USH2A: variants seen among roughly 807,000 people sequenced by gnomAD.
USH2A encodes the protein usherin.
Under a neutral mutation model 538.9 loss-of-function variants are expected in USH2A, and 443 were observed. That is an observed-to-expected ratio of 0.82 (90% CI 0.76 to 0.89). The LOEUF (loss-of-function observed/expected upper bound fraction) is 0.89, where lower values mean the gene tolerates loss of function less well. USH2A is among the 40% of genes least tolerant of loss of function. The pLI, the probability that USH2A is intolerant of heterozygous loss-of-function variation, is 0.00. For missense variants in USH2A, 6,633 were observed against 6,324.8 expected, an observed-to-expected ratio of 1.05 and a Z score of -1.65; for synonymous variants, 2,413 against 2,273.5, an observed-to-expected ratio of 1.06 and a Z score of -1.75.
Position 215,837,988 on chromosome 1 carries a change from T to C in USH2A, c.9371+3A>G. Reference sequence around the variant, plus strand: ...TAGATTTAACTGACACAAAATTTTGTACCTTGAAGTGATGCCACGAATTGT... The same window carrying C: ...TAGATTTAACTGACACAAAATTTTGCACCTTGAAGTGATGCCACGAATTGT... On this transcript the variant is annotated splice_donor_region_variant and intron_variant, in intron 47 of 71. Transcript: ENST00000307340. The C allele has an allele frequency of 6.2e-7, 1 of 1,608,786 alleles. No individual in the cohort carries two copies. The highest frequency in any genetic ancestry group is 8.5e-7 in the Non-Finnish European group (1 of 1,175,464).
At chr1:216,069,748 C>A (rs1428301023) in intron 30 of USH2A, among the ~76,000 whole-genome samples, 2 of 152,062 alleles carry the variant, frequency 1.3e-5, no homozygotes, top group East Asian at 3.9e-4. Flanking sequence ...TGGGGCTAGT[C>A]CCAAAGAGTA....
intron 21 of USH2A, among the ~76,000 whole-genome samples, chr1:216,146,012 C>A (rs1160246327): frequency 6.6e-6 from 1 of 152,218 alleles, no homozygotes; most frequent in Non-Finnish European, 1.5e-5. Context: ...ATTGCTCACA[C>A]AAAGCCTGTT....
chr1:216,367,468 T>C (rs1474054702), intron 3 of USH2A, among the ~76,000 whole-genome samples: 4 of 152,212 alleles, frequency 2.6e-5, no homozygotes, highest in Non-Finnish European at 5.9e-5. Context: ...TTGAGTCAGA[T>C]AGAAAGCATG....
At chr1:216,134,114 C>A (rs1434782525) in intron 21 of USH2A, among the ~76,000 whole-genome samples, 1 of 152,054 alleles carries the variant, frequency 6.6e-6, no homozygotes, top group African/African-American at 2.4e-5. Flanking sequence ...AAGCTGTTTT[C>A]TGTGTTTTGT....
At chr1:215,954,139 T>G (rs1332294840) in intron 37 of USH2A, among the ~76,000 whole-genome samples, 7 of 152,244 alleles carry the variant, frequency 4.6e-5, no homozygotes, top group African/African-American at 1.4e-4. Context: ...GTTCAACCAT[T>G]GTGGAAATCA....
chr1:216,022,560 T>C (rs1668866895), intron 32 of USH2A, among the ~76,000 whole-genome samples: 1 of 152,198 alleles, frequency 6.6e-6, no homozygotes, highest in Non-Finnish European at 1.5e-5. Context: ...AGATCTGTTT[T>C]GTTAAACCTT....
At chr1:215,729,967 T>C (rs144927050) in intron 60 of USH2A, among the ~76,000 whole-genome samples, 1 of 152,352 alleles carries the variant, frequency 6.6e-6, no homozygotes, top group African/African-American at 2.4e-5. Flanking sequence ...TCCTTTTAGA[T>C]GTCTTCCCCA....
chr1:215,982,021 A>G (rs886338310), intron 35 of USH2A, among the ~76,000 whole-genome samples: 1 of 152,214 alleles, frequency 6.6e-6, no homozygotes, highest in African/African-American at 2.4e-5. Flanking sequence ...TTCAATCAAC[A>G]AATTAGTTCT....
rs1475481666 is a variant in USH2A at position 216,078,462 on chromosome 1, A to T, written c.5299-100T>A. On this transcript the variant is annotated intron_variant, in intron 26 of 71. Coordinates refer to ENST00000307340, the MANE Select transcript of USH2A (RefSeq NM_206933.4). ...TCAATTTCTTGAAGAAAAGCAAAAC[A>T]GTTCCCTGAAAGCACTCTATAGAAA... 2.6e-6 allele frequency: 3 copies of T among 1,137,262 alleles called. No individual in the cohort carries two copies. The African/African-American group carries it at 4.6e-5, about 18-fold the overall frequency. 70.4% of individuals were successfully genotyped at this position (1,137,262 alleles called of 1,614,324 possible). A position where few individuals can be genotyped will look rare whatever the true frequency, so the allele number is the denominator to read the frequency against.
At chr1:216,257,309 T>G (rs927653153) in intron 11 of USH2A, among the ~76,000 whole-genome samples, 9 of 152,122 alleles carry the variant, frequency 5.9e-5, no homozygotes, top group African/African-American at 2.2e-4. Flanking sequence ...GAATCATAAG[T>G]GCACTATTTA....
intron 61 of USH2A, among the ~76,000 whole-genome samples, chr1:215,698,165 T>C (rs1161743203): frequency 6.6e-6 from 1 of 152,238 alleles, no homozygotes; most frequent in African/African-American, 2.4e-5. Flanking sequence ...ACTCATTCTT[T>C]TTTATGGCTG....
chr1:216,073,416 T>C (rs2031633214), intron 27 of USH2A, 116 bp from the exon 28 acceptor site: 2 of 1,112,966 alleles, frequency 1.8e-6, no homozygotes, highest in Non-Finnish European at 2.6e-6. Context: ...ATACAATTGC[T>C]AGACTTTCGA....
At chr1:216,159,106 T>C (rs2034004344) in intron 21 of USH2A, among the ~76,000 whole-genome samples, 1 of 152,182 alleles carries the variant, frequency 6.6e-6, no homozygotes, top group South Asian at 2.1e-4. Context: ...TATATATTAT[T>C]TTGACATCAA....
At chr1:216,275,907 T>G (rs1297769616) in intron 11 of USH2A, among the ~76,000 whole-genome samples, 1 of 152,160 alleles carries the variant, frequency 6.6e-6, no homozygotes, top group Non-Finnish European at 1.5e-5. Context: ...GTATGTTTCC[T>G]TCCTACTTTT....
chr1:215,683,757 T>A (rs959220561), intron 61 of USH2A, among the ~76,000 whole-genome samples: 2 of 152,142 alleles, frequency 1.3e-5, no homozygotes, highest in African/African-American at 4.8e-5. Flanking sequence ...TCTCACTCCT[T>A]TTCCTCTATA....
intron 61 of USH2A, among the ~76,000 whole-genome samples, chr1:215,709,999 C>T (rs1241928489): frequency 6.6e-6 from 1 of 152,200 alleles, no homozygotes; most frequent in Non-Finnish European, 1.5e-5. Context: ...ATTTACACTG[C>T]CTCTCACTGC....
Position 216,070,103 on chromosome 1 carries a change from G to T in USH2A, c.6047C>A (p.Thr2016Lys), listed in dbSNP as rs750260175. 52 of 1,613,804 alleles carry T rather than the reference G, an allele frequency of 3.2e-5. No homozygotes were observed. Among genetic ancestry groups the T allele is most frequent in the Non-Finnish European group, 4.3e-5 (51 of 1,179,890 alleles). ...SAEFVNTSNL[T>K]GILTGLLPFK... ...CTCTGTTAAAGGATTGCATTTACCT[G>T]TGAGGTTGCTTGTATTGACAAATTC... Residue 2016 changes from threonine (T) to lysine (K), a missense_variant and splice_region_variant, in exon 30 of 72, where the codon ACA becomes AAA. Thr to Lys is a moderately conservative substitution (Grantham distance 78). Transcript: ENST00000307340.
At chr1:215,627,433 C>CTTCT (rs1381799883) in intron 71 of USH2A, among the ~76,000 whole-genome samples, 813 of 74,532 alleles carry the variant, frequency 0.011, 19 homozygotes, top group East Asian at 0.036. Flanking sequence ...TCCTTCCTTC[C>CTTCT]TTCCTTCCTT....
chr1:216,101,107 C>G (rs1310768621), intron 21 of USH2A, among the ~76,000 whole-genome samples: 1 of 152,120 alleles, frequency 6.6e-6, no homozygotes, highest in Admixed American at 6.5e-5. Flanking sequence ...TGTGCAAAAT[C>G]TATGACAAAA....
Sources: allele counts gnomAD v4.1 joint callset (sites outside exome capture counted in the v4.1 genomes callset), GRCh38; gene constraint gnomAD v4.1.1; transcripts MANE v1.5; gene names NCBI Gene and HGNC (gene_info 2026-07-23, HGNC 2026-07-21).